Variants in LHFPL3 observed in about 807,000 individuals in gnomAD.
LHFPL3 encodes LHFPL tetraspan subfamily member 3 protein.
LHFPL3 carries 5 observed loss-of-function variants against 19.3 expected under a neutral mutation model. The ratio of observed to expected loss-of-function variants is 0.26; its 90% CI spans 0.14 to 0.54. The LOEUF is 0.54. Among genes scored for constraint, LHFPL3 ranks in the 20% least tolerant of loss-of-function variants. The pLI is 0.94. For synonymous variants in LHFPL3, 133 were observed against 126.2 expected (o/e 1.05, Z -0.36); for missense variants, 249 against 307.4 (o/e 0.81, Z 1.42).
chr7:104,903,184 T>G (rs149532776), intron 2 of LHFPL3, among the ~76,000 whole-genome samples: 2 of 152,142 alleles, frequency 1.3e-5, no homozygotes, highest in Non-Finnish European at 1.5e-5. Context: ...CTTAGATACA[T>G]GTACTTCCTT....
intron 1 of LHFPL3, among the ~76,000 whole-genome samples, chr7:104,653,937 T>C (rs1792078432): frequency 6.6e-6 from 1 of 152,204 alleles, no homozygotes; most frequent in Admixed American, 6.5e-5. Flanking sequence ...GTTGCTTCCC[T>C]AAAGACAGCA....
intron 2 of LHFPL3, among the ~76,000 whole-genome samples, chr7:104,756,494 T>G (rs954221745): frequency 3.9e-5 from 6 of 152,038 alleles, no homozygotes; most frequent in African/African-American, 1.5e-4. Flanking sequence ...GCACGACAAT[T>G]TTATTTTTAT....
intron 1 of LHFPL3, among the ~76,000 whole-genome samples, chr7:104,344,939 T>G (rs1296008039): frequency 6.6e-6 from 1 of 152,176 alleles, no homozygotes; most frequent in African/African-American, 2.4e-5. Flanking sequence ...TTGAGAAGTC[T>G]CTCTCTTTTT....
intron 1 of LHFPL3, among the ~76,000 whole-genome samples, chr7:104,422,010 C>A (rs1382469816): frequency 6.6e-6 from 1 of 152,148 alleles, no homozygotes; most frequent in Non-Finnish European, 1.5e-5. Flanking sequence ...ACGGCCCTTA[C>A]CAGAACCTGA....
intron 2 of LHFPL3, among the ~76,000 whole-genome samples, chr7:104,869,401 A>T (rs1791789712): frequency 6.6e-6 from 1 of 152,204 alleles, no homozygotes. Context: ...CAAGAAAAAA[A>T]CAAACAACCC....
At chr7:104,563,545 G>A (rs773605943) in intron 1 of LHFPL3, among the ~76,000 whole-genome samples, 48 of 152,348 alleles carry the variant, frequency 3.2e-4, no homozygotes, top group Non-Finnish European at 5.9e-4. Flanking sequence ...TTCGGCTCGC[G>A]CACGGTGCAC....
At chr7:104,343,658 A>C (rs548911049) in intron 1 of LHFPL3, among the ~76,000 whole-genome samples, 2 of 152,104 alleles carry the variant, frequency 1.3e-5, no homozygotes, top group South Asian at 2.1e-4. Context: ...AACACTTGCA[A>C]AATGAACCAT....
At chr7:104,389,058 A>G (rs779743669) in intron 1 of LHFPL3, among the ~76,000 whole-genome samples, 123 of 152,322 alleles carry the variant, frequency 8.1e-4, no homozygotes, top group Non-Finnish European at 1.3e-3. Context: ...AGGCATTGAG[A>G]TTGGAAAGGA....
At chr7:104,456,549 G>A (rs988089648) in intron 1 of LHFPL3, among the ~76,000 whole-genome samples, 1 of 152,114 alleles carries the variant, frequency 6.6e-6, no homozygotes, top group African/African-American at 2.4e-5. Flanking sequence ...TGGAAGATTC[G>A]TTCTAACTGT....
At chr7:104,654,912 T>C (rs982293962) in intron 1 of LHFPL3, among the ~76,000 whole-genome samples, 11 of 152,182 alleles carry the variant, frequency 7.2e-5, no homozygotes, top group African/African-American at 1.9e-4. Flanking sequence ...GTACATGTGT[T>C]CATACTCGCA....
chr7:104,399,196 C>T lies in LHFPL3; in HGVS notation c.445+69972C>T, dbSNP rs1290202470. Among the ~76,000 whole-genome samples the T allele has an allele frequency of 6.6e-6, 1 of 152,112 alleles. No homozygotes were observed. ...CCCAGGAGCTGCCACCCCTGATGTC[C>T]TCTTACTTCCCTTGATATCGTAGGT... On this transcript the variant is annotated intron_variant, in intron 1 of 2. Coordinates refer to ENST00000424859, the MANE Select transcript of LHFPL3 (RefSeq NM_199000.3). This position sits in a 1 kb window ranked among gnomAD's most constrained non-coding sequence, Gnocchi z 4.4.
Position 104,484,356 on chromosome 7 carries a change from T to C in LHFPL3, c.445+155132T>C, listed in dbSNP as rs145672968. On this transcript the variant is annotated intron_variant, in intron 1 of 2. Transcript: ENST00000424859. ...CACCCTCACAAAGAAACACCTTCCA[T>C]CCCCTTTCCCTCCTTCCCTTCACTT... 5.8e-3 allele frequency among the ~76,000 whole-genome samples: 880 copies of C among 152,180 alleles called. 5 individuals carry two copies. Among genetic ancestry groups the C allele is most frequent in the Non-Finnish European group, 8.9e-3 (605 of 67,990 alleles).
intron 1 of LHFPL3, among the ~76,000 whole-genome samples, chr7:104,577,284 A>G (rs1337398968): frequency 6.6e-6 from 1 of 152,176 alleles, no homozygotes; most frequent in East Asian, 1.9e-4. Flanking sequence ...CACAAACCTT[A>G]GCAATAGGGG....
At chr7:104,823,467 T>C (rs1006363834) in intron 2 of LHFPL3, among the ~76,000 whole-genome samples, 1 of 152,220 alleles carries the variant, frequency 6.6e-6, no homozygotes, top group Non-Finnish European at 1.5e-5. Context: ...ATTACATTTA[T>C]TGTGTTTATT....
At chr7:104,346,124 C>T (rs974609683) in intron 1 of LHFPL3, among the ~76,000 whole-genome samples, 18 of 151,354 alleles carry the variant, frequency 1.2e-4, no homozygotes, top group African/African-American at 4.4e-4. Context: ...CAACCTCTGC[C>T]TCCCAGGTTC....
intron 1 of LHFPL3, among the ~76,000 whole-genome samples, chr7:104,623,374 A>G (rs1471832267): frequency 6.6e-6 from 1 of 152,170 alleles, no homozygotes; most frequent in African/African-American, 2.4e-5. Flanking sequence ...TCACGTCTGT[A>G]ATCCTGGCAC....
chr7:104,407,534 T>C (rs1791440866), intron 1 of LHFPL3, among the ~76,000 whole-genome samples: 1 of 152,144 alleles, frequency 6.6e-6, no homozygotes, highest in Non-Finnish European at 1.5e-5. Context: ...TGCATGCATG[T>C]AGTCCCAGCT....
At chr7:104,819,571 C>CA (rs1025974431) in intron 2 of LHFPL3, among the ~76,000 whole-genome samples, 6 of 152,012 alleles carry the variant, frequency 3.9e-5, no homozygotes, top group African/African-American at 1.4e-4. Flanking sequence ...AAAACAAAAA[C>CA]AAAAAAACAG....
intron 1 of LHFPL3, among the ~76,000 whole-genome samples, chr7:104,577,389 C>T (rs189750474): frequency 2.6e-5 from 4 of 151,884 alleles, no homozygotes; most frequent in South Asian, 2.1e-4. Flanking sequence ...TAAGTAAGCA[C>T]AAAATAGTGA....
Sources: allele counts gnomAD v4.1 joint callset (sites outside exome capture counted in the v4.1 genomes callset), GRCh38; gene constraint gnomAD v4.1.1; non-coding constraint Gnocchi (gnomAD v3.1); transcripts MANE v1.5; gene names NCBI Gene and HGNC (gene_info 2026-07-23, HGNC 2026-07-21).